The following AHNAK2 variants were observed in gnomAD, a reference collection of about 807,000 sequenced individuals.
The protein encoded by AHNAK2 is protein AHNAK2.
AHNAK2 carries 18 observed loss-of-function variants against 30.7 expected under a neutral mutation model. The ratio of observed to expected loss-of-function variants is 0.59; its 90% CI spans 0.41 to 0.87. The LOEUF is 0.87. Ranked by LOEUF, AHNAK2 falls within the 40% of genes least tolerant of loss-of-function variation. The pLI, the probability that AHNAK2 is intolerant of heterozygous loss-of-function variation, is 0.00. For synonymous variants in AHNAK2, 3,590 were observed against 3,073.8 expected, an observed-to-expected ratio of 1.17 and a Z score of -5.56; for missense variants, 8,604 against 7,373.0, an observed-to-expected ratio of 1.17 and a Z score of -6.11.
At position 104,946,327 on chromosome 14, in the gene AHNAK2, C is replaced by T; in HGVS notation, c.9124G>A (p.Val3042Met). 2 of 1,612,160 alleles carry T rather than the reference C, an allele frequency of 1.2e-6. No individual in the cohort carries two copies. The highest frequency in any genetic ancestry group is 1.7e-6 in the Non-Finnish European group (2 of 1,179,368). ...TGGCCCTCTGGGAGCTTCAGGTCCACCTGGCCAGCCTGGACCTCCAGTTGG... is the reference window on the plus strand; with the variant it reads ...TGGCCCTCTGGGAGCTTCAGGTCCATCTGGCCAGCCTGGACCTCCAGTTGG... ...SAQLEVQAGQ[V>M]DLKLPEGHVP... Residue 3042 changes from valine to methionine, a missense_variant, in exon 7 of 7, where the codon GTG becomes ATG. Physicochemically the swap from Val to Met is conservative, Grantham distance 21. Coordinates refer to ENST00000333244, the MANE Select transcript of AHNAK2 (RefSeq NM_138420.4).
In AHNAK2 at chr14:104,938,180, C is replaced by T. The variant is rs1330822549; in HGVS notation, c.17271G>A (p.Gly5757=). The T allele has an allele frequency of 1.2e-6, 2 of 1,613,848 alleles. No individual in the cohort carries two copies. The highest frequency in any genetic ancestry group is 2.7e-5 in the African/African-American group (2 of 74,932). Residue 5757 remains glycine, a synonymous_variant, in exon 7 of 7, where the codon GGG becomes GGA. Coordinates refer to ENST00000333244, the MANE Select transcript of AHNAK2 (RefSeq NM_138420.4). ...ATGTCACCATCACTCTGGAGTCCAG[C>T]CCAGTGCCCACAGGCCCGATCAGTT... The part of the protein sequence containing the change: ...EGELIGPVGT[G]LDSRVMVTSA...
At position 104,947,210 on chromosome 14, in the gene AHNAK2, C is replaced by G. The variant is rs1205990062; in HGVS notation, c.8241G>C (p.Lys2747Asn). The change falls in exon 7 of 7, where the codon AAG becomes AAC. Residue 2747 changes from lysine to asparagine, a missense_variant. Coordinates refer to ENST00000333244, the MANE Select transcript of AHNAK2 (RefSeq NM_138420.4). ...GGCCCTTAACATCTATCTGGGGGCC[C>G]TTGAGGTCCACTTCAGGCATCTTGA... is the stretch of plus-strand genomic sequence containing the variant. ...PSFKMPEVDL[K>N]GPQIDVKGPN... 1.2e-6 allele frequency: 2 copies of G among 1,612,288 alleles called. No individual in the cohort carries two copies. The highest frequency in any genetic ancestry group is 8.5e-7 in the Non-Finnish European group (1 of 1,179,554).
rs765135377 is a variant in AHNAK2 at position 104,978,251 on chromosome 14, C to T, written c.-14G>A. On this transcript the variant is annotated 5_prime_UTR_variant, in exon 1 of 7. Transcript: ENST00000333244. ...GCAGTCGCACATCGCGGCGGCCAGG[C>T]GGTGCGGGCCTGGCGGCCCGTCGCG... 5.6e-6 allele frequency: 6 copies of T among 1,074,370 alleles called. No individual in the cohort carries two copies. The highest frequency in any genetic ancestry group is 1.1e-4 in the East Asian group (2 of 17,704). 66.6% of individuals were successfully genotyped at this position (1,074,370 alleles called of 1,614,324 possible).
rs762860108 is a variant in AHNAK2, at chr14:104,942,202, C to T, written c.13249G>A (p.Val4417Met). The T allele has an allele frequency of 3.7e-6, 6 of 1,612,938 alleles. No individual in the cohort carries two copies. Among genetic ancestry groups the T allele is most frequent in the Non-Finnish European group, 5.1e-6 (6 of 1,179,676 alleles). ...GACACGTCCAGGTTGGGGGACGTCA[C>T]CTCCACCTTGGGGCCTTTCAGGTCC... ...KLDLKGPKVEVTSPNLDVSLP... is the reference protein window; with the variant it reads ...KLDLKGPKVEMTSPNLDVSLP... The change falls in exon 7 of 7, where the codon GTG (valine) becomes ATG (methionine). Residue 4417 changes from valine (V) to methionine (M), a missense_variant. By Grantham distance (21) the Val-to-Met change is conservative (BLOSUM62 1). Transcript: ENST00000333244.
chr14:104,943,784 C>T lies in AHNAK2; in HGVS notation c.11667G>A (p.Val3889=), dbSNP rs774968901. Residue 3889 remains valine (V), a synonymous_variant, in exon 7 of 7, where the codon GTG becomes GTA. Transcript: ENST00000333244. ...EAGLKGHLPK[V]QMPSFKMPKV... ...TGGGCATCTTGAAACTGGGCATCTG[C>T]ACCTTGGGCAGGTGTCCTTTGAGGC... 2.7e-5 allele frequency: 44 copies of T among 1,613,200 alleles called. No homozygotes were observed. In the South Asian group the frequency reaches 3.2e-4, roughly 12 times the overall value.
chr14:104,953,432 G>A lies in AHNAK2; in HGVS notation c.2019C>T (p.Ser673=), dbSNP rs758628237. The change falls in exon 7 of 7, where the codon AGC becomes AGT. Residue 673 remains serine, a synonymous_variant. Transcript: ENST00000333244. The part of the protein sequence containing the change: ...LTEKEVATKD[S]KFKMPKFKMP... The stretch of plus-strand genomic sequence containing the variant: ...TCTTGAACTTGGGCATTTTGAACTT[G>A]CTGTCTTTGGTGGCCACTTCCTTTT... The A allele has an allele frequency of 9.3e-6, 15 of 1,613,858 alleles. No individual in the cohort carries two copies. In the Admixed American group the frequency reaches 2.5e-4, roughly 27 times the overall value.
At chr14:104,959,374 G>A (rs889390753) in intron 1 of AHNAK2, among the ~76,000 whole-genome samples, 3 of 152,186 alleles carry the variant, frequency 2.0e-5, no homozygotes, top group African/African-American at 4.8e-5. Context: ...GTTTCACCAT[G>A]TCGGCCAGGC....
intron 1 of AHNAK2, among the ~76,000 whole-genome samples, chr14:104,968,136 C>T (rs558716089): frequency 6.6e-6 from 1 of 152,232 alleles, no homozygotes; most frequent in Non-Finnish European, 1.5e-5. Context: ...TTCCCCCACT[C>T]CCCGGGCCCC....
chr14:104,969,960 C>T (rs1219849669), intron 1 of AHNAK2, among the ~76,000 whole-genome samples: 2 of 152,026 alleles, frequency 1.3e-5, no homozygotes, highest in African/African-American at 4.8e-5. Flanking sequence ...TTGGAAGCAA[C>T]CACCCTCCAC....
At chr14:104,955,753 A>G in intron 4 of AHNAK2, 120 bp from the exon 5 acceptor site, 1 of 1,356,588 alleles carries the variant, frequency 7.4e-7, no homozygotes, top group Non-Finnish European at 9.9e-7. Context: ...CAGCCCAGAC[A>G]ACACAGAGCA....
Position 104,950,644 on chromosome 14 carries a change from G to C in AHNAK2, c.4807C>G (p.Leu1603Val), listed in dbSNP as rs752361249. The C allele has an allele frequency of 1.6e-5, 25 of 1,587,198 alleles. 2 individuals carry two copies. Among genetic ancestry groups the C allele is most frequent in the East Asian group, 6.8e-5 (3 of 44,220 alleles). Residue 1603 changes from leucine (L) to valine (V), a missense_variant, in exon 7 of 7, where the codon CTG becomes GTG. Coordinates refer to ENST00000333244, the MANE Select transcript of AHNAK2 (RefSeq NM_138420.4). ...GPQIDVKGPK[L>V]DLKGPKVEVT... The stretch of plus-strand genomic sequence containing the variant: ...TCCACCTTGGGGCCTTTCAGGTCCA[G>C]CTTGGGGCCCTTAACATCTATCTGG...
chr14:104,939,102 TC>T lies in AHNAK2; in HGVS notation c.16348del (p.Asp5450ThrfsTer33). On this transcript the variant is annotated frameshift_variant, in exon 7 of 7. Coordinates refer to ENST00000333244, the MANE Select transcript of AHNAK2 (RefSeq NM_138420.4). LOFTEE classifies it low-confidence loss of function (END_TRUNC). ...GGGAGCTTCCAAAGGCAGGTTAAGGTCCACAGGCTGCTCCCCAGGGACCCCA... is the reference window on the plus strand; with the variant it reads ...GGGAGCTTCCAAAGGCAGGTTAAGGTCACAGGCTGCTCCCCAGGGACCCCA... The part of the protein sequence containing the change: ...GAGVPGEQPV[D>X]LNLPLEAPPI... The T allele has an allele frequency of 6.2e-7, 1 of 1,605,088 alleles. No homozygotes were observed. The highest frequency in any genetic ancestry group is 8.5e-7 in the Non-Finnish European group (1 of 1,175,846).
intron 1 of AHNAK2, among the ~76,000 whole-genome samples, chr14:104,968,447 A>T (rs117034252): frequency 0.012 from 1,849 of 152,050 alleles, 21 homozygotes; most frequent in Non-Finnish European, 0.019. Context: ...ACAGGCGGGG[A>T]GTGTGGCAGA....
Position 104,947,633 on chromosome 14 carries a change from A to T in AHNAK2, c.7818T>A (p.Asp2606Glu). The change falls in exon 7 of 7, where the codon GAT becomes GAA. Residue 2606 changes from aspartate to glutamate, a missense_variant. Coordinates refer to ENST00000333244, the MANE Select transcript of AHNAK2 (RefSeq NM_138420.4). ...CCATGCTGGACAGAGACATCTCCAC[A>T]TCGGGGGCTGTCACTTCCGCCTTGG... Reference protein sequence around the residue: ...KGPKAEVTAPDVEMSLSSMEV... With the variant: ...KGPKAEVTAPEVEMSLSSMEV... 6.2e-7 allele frequency: 1 copy of T among 1,611,656 alleles called. No homozygotes were observed. The highest frequency in any genetic ancestry group is 2.2e-5 in the East Asian group (1 of 44,628).
rs777434444 is a variant in AHNAK2, at chr14:104,947,303, G to C, written c.8148C>G (p.Leu2716=). The part of the protein sequence containing the change: ...EVQAGQVDVK[L]PEGHVPEGAG... ...CTCCCTCGGGAACGTGGCCCTCTGG[G>C]AGTTTCACATCCACCTGGCCAGCCT... Residue 2716 remains leucine (L), a synonymous_variant, in exon 7 of 7, where the codon CTC becomes CTG. Transcript: ENST00000333244. 3 of 1,611,828 alleles carry C rather than the reference G, an allele frequency of 1.9e-6. No individual in the cohort carries two copies. In the African/African-American group the frequency reaches 4.0e-5, roughly 22 times the overall value.
intron 1 of AHNAK2, among the ~76,000 whole-genome samples, chr14:104,971,041 C>A (rs887477656): frequency 2.0e-5 from 3 of 152,176 alleles, no homozygotes; most frequent in Admixed American, 6.5e-5. Flanking sequence ...TCCCTTCAGC[C>A]CGCTCAGCCC....
rs201708343 is a variant in AHNAK2 at position 104,946,912 on chromosome 14, C to T, written c.8539G>A (p.Gly2847Arg). The part of the protein sequence containing the change: ...DVSELKVEAD[G>R]SFPSMQGDLK... Reference sequence around the variant, plus strand: ...TCCCCTTGCATGGAGGGGAAGCTCCCGTCAGCTTCCACCTTCAGCTCAGAC... The same window carrying T: ...TCCCCTTGCATGGAGGGGAAGCTCCTGTCAGCTTCCACCTTCAGCTCAGAC... Residue 2847 changes from glycine (G) to arginine (R), a missense_variant, in exon 7 of 7, where the codon GGG (glycine) becomes AGG (arginine). Gly to Arg is a moderately radical substitution (Grantham distance 125). Coordinates refer to ENST00000333244, the MANE Select transcript of AHNAK2 (RefSeq NM_138420.4). The T allele has an allele frequency of 1.3e-3, 2,075 of 1,611,564 alleles. 55 individuals carry two copies. The African/African-American group carries it at 0.02, about 16-fold the overall frequency.
Position 104,978,364 on chromosome 14 carries a change from G to C in AHNAK2, c.-127C>G. On this transcript the variant is annotated 5_prime_UTR_variant, in exon 1 of 7. Transcript: ENST00000333244. ...CTGCCCTGCGCTGCCGCGGGCGGCC[G>C]ACCTCGGACTGCGGACACCGCGCGC... is the stretch of plus-strand genomic sequence containing the variant. The C allele has an allele frequency of 1.6e-6, 1 of 610,798 alleles. No individual in the cohort carries two copies. Among genetic ancestry groups the C allele is most frequent in the Non-Finnish European group, 2.1e-6 (1 of 479,284 alleles). The allele number at this position is 610,798 out of a possible 1,614,324, so 37.8% of individuals were successfully genotyped here.
At position 104,940,404 on chromosome 14, in the gene AHNAK2, C is replaced by T. The variant is rs377271655; in HGVS notation, c.15047G>A (p.Ser5016Asn). The T allele has an allele frequency of 1.9e-5, 30 of 1,613,774 alleles. No individual in the cohort carries two copies. The highest frequency in any genetic ancestry group is 4.5e-5 in the East Asian group (2 of 44,902). ...TGGCATGGCAAAGCCAGGCTTTGTG[C>T]TCCTCCCCTTCTCTCCATCCCTCTC... ...PPERDGEKGRSTKPGFAMPKL... is the reference protein window; with the variant it reads ...PPERDGEKGRNTKPGFAMPKL... The change falls in exon 7 of 7, where the codon AGC becomes AAC. Residue 5016 changes from serine to asparagine, a missense_variant. By Grantham distance (46) the Ser-to-Asn change is conservative (BLOSUM62 1). Transcript: ENST00000333244. This position sits in a 1 kb window ranked among gnomAD's most constrained non-coding sequence, Gnocchi z 4.4.
Sources: allele counts gnomAD v4.1 joint callset (sites outside exome capture counted in the v4.1 genomes callset), GRCh38; gene constraint gnomAD v4.1.1; non-coding constraint Gnocchi (gnomAD v3.1); transcripts MANE v1.5; gene names NCBI Gene and HGNC (gene_info 2026-07-23, HGNC 2026-07-21).